Variants in CSMD2 observed in about 807,000 individuals in gnomAD.
The protein encoded by CSMD2 is CUB and Sushi multiple domains 2, also known as CUB and sushi domain-containing protein 2.
CSMD2 carries 130 observed loss-of-function variants against 398.5 expected under a neutral mutation model. That is an observed-to-expected ratio of 0.33 (90% CI 0.28 to 0.38). The LOEUF is 0.38. Among genes scored for constraint, CSMD2 ranks in the 10% least tolerant of loss-of-function variants. The pLI, the probability that CSMD2 is intolerant of heterozygous loss-of-function variation, is 1.00. For synonymous variants in CSMD2, 1,828 were observed against 1,908.5 expected (o/e 0.96, Z 1.10); for missense variants, 3,829 against 4,764.9 (o/e 0.80, Z 5.78).
intron 2 of CSMD2, among the ~76,000 whole-genome samples, chr1:34,055,812 A>G (rs943856559): frequency 4.6e-5 from 7 of 152,126 alleles, no homozygotes; most frequent in African/African-American, 1.7e-4. Context: ...GTGGTGATCA[A>G]CTCAACCTTC....
chr1:33,897,888 T>C (rs1570435574), intron 5 of CSMD2, among the ~76,000 whole-genome samples: 1 of 152,138 alleles, frequency 6.6e-6, no homozygotes, highest in Non-Finnish European at 1.5e-5. Flanking sequence ...ACGGAGGAGG[T>C]ATTTCCCTCC....
intron 3 of CSMD2, among the ~76,000 whole-genome samples, chr1:34,001,216 A>G (rs1217039650): frequency 6.6e-6 from 1 of 152,238 alleles, no homozygotes; most frequent in Non-Finnish European, 1.5e-5. Context: ...GATAGGGAAT[A>G]TTGACAAAAG....
At chr1:33,975,486 T>TATACACAC (rs145373689) in intron 3 of CSMD2, among the ~76,000 whole-genome samples, 3,952 of 146,452 alleles carry the variant, frequency 0.027, 173 homozygotes, top group African/African-American at 0.094. Context: ...CTCCCAAGTG[T>TATACACAC]ACACACACAC....
chr1:33,888,427 A>G (rs1255798834), intron 5 of CSMD2, among the ~76,000 whole-genome samples: 1 of 152,216 alleles, frequency 6.6e-6, no homozygotes, highest in Non-Finnish European at 1.5e-5. Flanking sequence ...ATTAACAGAG[A>G]AATAAAATAG....
intron 2 of CSMD2, among the ~76,000 whole-genome samples, chr1:34,039,889 A>C (rs1329195257): frequency 1.3e-5 from 2 of 152,190 alleles, no homozygotes; most frequent in Non-Finnish European, 1.5e-5. Flanking sequence ...ATAGTGGCTC[A>C]CACCTGTAAT....
At chr1:33,937,940 T>A (rs1020568658) in intron 3 of CSMD2, among the ~76,000 whole-genome samples, 3 of 152,248 alleles carry the variant, frequency 2.0e-5, no homozygotes, top group Non-Finnish European at 4.4e-5. Flanking sequence ...CATAGGTATA[T>A]CCTGGGAGAC....
chr1:33,697,029 A>G (rs539114169), intron 24 of CSMD2, among the ~76,000 whole-genome samples: 22 of 152,336 alleles, frequency 1.4e-4, no homozygotes, highest in African/African-American at 4.6e-4. Context: ...GGCAGTCTCA[A>G]TGGGGAAGGC....
intron 1 of CSMD2, among the ~76,000 whole-genome samples, chr1:34,118,783 C>A (rs959849102): frequency 6.6e-6 from 1 of 152,100 alleles, no homozygotes; most frequent in African/African-American, 2.4e-5. Flanking sequence ...AAAGAAAACA[C>A]AAATAAATGG....
At chr1:33,539,226 A>G (rs1362287263) in intron 60 of CSMD2, among the ~76,000 whole-genome samples, 1 of 152,154 alleles carries the variant, frequency 6.6e-6, no homozygotes, top group Non-Finnish European at 1.5e-5. Context: ...TCGGCCTCCC[A>G]AAGTGCTGAG....
intron 4 of CSMD2, among the ~76,000 whole-genome samples, chr1:33,931,433 T>C (rs369106543): frequency 1.3e-5 from 2 of 152,160 alleles, no homozygotes; most frequent in East Asian, 3.9e-4. Flanking sequence ...CTTAGGATAT[T>C]CTTGTAGCTT....
In CSMD2 at chr1:33,857,057, C is replaced by T. The variant is rs80331403; in HGVS notation, c.921-10061G>A. Among the ~76,000 whole-genome samples, 750 of 152,140 alleles carry T rather than the reference C, an allele frequency of 4.9e-3. 9 individuals carry two copies. The highest frequency in any genetic ancestry group is 0.017 in the African/African-American group (688 of 41,498). ...ACTAATTTGGGGTAGAGACTTAGCA[C>T]GCAGGCCCTAGAAGAAGACTGCCTG... is the stretch of plus-strand genomic sequence containing the variant. On this transcript the variant is annotated intron_variant, in intron 5 of 70. Transcript: ENST00000373381.
intron 3 of CSMD2, among the ~76,000 whole-genome samples, chr1:34,019,784 C>T (rs1183663033): frequency 6.6e-6 from 1 of 152,190 alleles, no homozygotes; most frequent in African/African-American, 2.4e-5. Flanking sequence ...CTAGGTCCTA[C>T]ATGAGCTATT....
intron 44 of CSMD2, chr1:33,599,888 C>T (rs1193275587): frequency 3.1e-5 from 13 of 424,030 alleles, no homozygotes; most frequent in South Asian, 1.8e-4. Flanking sequence ...TGCAAGTGCA[C>T]GCATGATGTA....
intron 43 of CSMD2, among the ~76,000 whole-genome samples, chr1:33,601,760 A>G (rs1054733518): frequency 1.3e-5 from 2 of 152,264 alleles, no homozygotes; most frequent in Non-Finnish European, 2.9e-5. Flanking sequence ...CATAACTCAG[A>G]GCTGAGCTGT....
chr1:33,823,387 CCTTT>C (rs1291289190), intron 7 of CSMD2, among the ~76,000 whole-genome samples: 4 of 70,642 alleles, frequency 5.7e-5, no homozygotes, highest in Admixed American at 1.8e-4. Context: ...AGTGTTTCTC[CCTTT>C]CTTTTTTTTT....
At chr1:33,618,019 C>CACAGAGAGACAGAGAG (rs1553156511) in intron 37 of CSMD2, among the ~76,000 whole-genome samples, 1 of 151,514 alleles carries the variant, frequency 6.6e-6, no homozygotes, top group African/African-American at 2.4e-5. Context: ...TGGGCTAAGA[C>CACAGAGAGACAGAGAG]AGAGAGACAG....
chr1:33,529,624 AAATT>A (rs1419633253), intron 64 of CSMD2, among the ~76,000 whole-genome samples: 3 of 152,256 alleles, frequency 2.0e-5, no homozygotes, highest in Admixed American at 6.5e-5. Flanking sequence ...ATATCATAAA[AAATT>A]AATTCAAAAT....
intron 3 of CSMD2, among the ~76,000 whole-genome samples, chr1:34,028,986 T>C (rs1028247579): frequency 3.9e-5 from 6 of 152,182 alleles, no homozygotes; most frequent in Non-Finnish European, 5.9e-5. Flanking sequence ...TTATCTATAC[T>C]TTTCACATTC....
intron 25 of CSMD2, among the ~76,000 whole-genome samples, chr1:33,668,488 G>A (rs535445398): frequency 2.6e-4 from 39 of 152,270 alleles, no homozygotes; most frequent in Admixed American, 4.6e-4. Context: ...CATTTATTAA[G>A]ACTCTTATTG....
Sources: gnomAD v4.1 joint callset for allele counts (sites outside exome capture counted in the v4.1 genomes callset) on GRCh38, gnomAD v4.1.1 for gene constraint, MANE v1.5 for transcripts, NCBI Gene and HGNC (gene_info 2026-07-23, HGNC 2026-07-21) for gene names.